Variants in FASTKD2 observed in about 807,000 individuals in gnomAD.
FASTKD2 encodes the protein FAST kinase domains 2, also known as FAST kinase domain-containing protein 2, mitochondrial.
In FASTKD2, 51 loss-of-function variants were observed where a neutral mutation model predicts 63.6. The observed-to-expected ratio is 0.80, with a 90% CI of 0.64 to 1.01. The LOEUF (loss-of-function observed/expected upper bound fraction) is 1.01, where lower values mean the gene tolerates loss of function less well. Ranked by LOEUF, FASTKD2 falls within the 50% of genes least tolerant of loss-of-function variation. The probability of loss-of-function intolerance (pLI) is 0.00; values close to 1 mark genes in which losing one functional copy is unlikely to be tolerated. For synonymous variants in FASTKD2, 284 were observed against 293.4 expected (o/e 0.97, Z 0.33); for missense variants, 786 against 831.1 (o/e 0.95, Z 0.67).
Position 206,774,315 on chromosome 2 carries a change from GA to G in FASTKD2, c.1347del (p.Glu449AspfsTer3). 2.5e-6 allele frequency: 4 copies of G among 1,603,766 alleles called. No homozygotes were observed. The highest frequency in any genetic ancestry group is 3.4e-6 in the Non-Finnish European group (4 of 1,171,180). ...LFMKRIVEDP[E>X]SLNMKNILSI... is the part of the protein sequence containing the mutation. ...TATGAAGAGAATAGTAGAGGATCCTGAATCCCTAAACATGAAAAACATTCTA... is the reference window on the plus strand; with the variant it reads ...TATGAAGAGAATAGTAGAGGATCCTGATCCCTAAACATGAAAAACATTCTA... On this transcript the variant is annotated frameshift_variant, in exon 7 of 12. Transcript: ENST00000402774. LOFTEE classifies it high-confidence loss of function.
rs144539079 is a variant in FASTKD2, at chr2:206,776,164, A to G, written c.1427+1767A>G. On this transcript the variant is annotated intron_variant, in intron 7 of 11. Coordinates refer to ENST00000402774, the MANE Select transcript of FASTKD2 (RefSeq NM_001136193.2). ...TAATATATATATTATGGGATGCAGA[A>G]AAAGCAATCCTGACAAGAAAACTTA... 6.9e-4 allele frequency among the ~76,000 whole-genome samples: 104 copies of G among 151,620 alleles called. 3 individuals are homozygous for G. Among genetic ancestry groups the G allele is most frequent in the South Asian group, 4.6e-3 (22 of 4,820 alleles).
At chr2:206,774,474 A>G in intron 7 of FASTKD2, 77 bp downstream of exon 7, 1 of 948,628 alleles carries the variant, frequency 1.1e-6, no homozygotes, top group Non-Finnish European at 1.7e-6. Flanking sequence ...AGCTTAATGA[A>G]TTATTACAAG....
In FASTKD2 at chr2:206,766,940, A is replaced by G. The variant is rs1012286338; in HGVS notation, c.247A>G (p.Ile83Val). The change falls in exon 2 of 12, where the codon ATT (isoleucine) becomes GTT (valine). Residue 83 changes from isoleucine (I) to valine (V), a missense_variant. By Grantham distance (29) the Ile-to-Val change is conservative. Transcript: ENST00000402774. ...IIRYLFQDAF[I>V]FKSDVGFQTK... ...TAGATATCTCTTTCAGGATGCATTC[A>G]TTTTTAAATCAGATGTTGGCTTTCA... 13 of 1,604,078 alleles carry G rather than the reference A, an allele frequency of 8.1e-6. No individual in the cohort carries two copies. Among genetic ancestry groups the G allele is most frequent in the Non-Finnish European group, 1.1e-5 (13 of 1,173,628 alleles).
At position 206,767,268 on chromosome 2, in the gene FASTKD2, C is replaced by T; in HGVS notation, c.575C>T (p.Ala192Val). Residue 192 changes from alanine (A) to valine (V), a missense_variant, in exon 2 of 12, where the codon GCC becomes GTC. Coordinates refer to ENST00000402774, the MANE Select transcript of FASTKD2 (RefSeq NM_001136193.2). Reference sequence around the variant, plus strand: ...TATTTCACAGCAATGTGGACAATTGCCAAAAGACTGTCTGATGACCAGAAG... The same window carrying T: ...TATTTCACAGCAATGTGGACAATTGTCAAAAGACTGTCTGATGACCAGAAG... Reference protein sequence around the residue: ...SNYFTAMWTIAKRLSDDQKRF... With the variant: ...SNYFTAMWTIVKRLSDDQKRF... 1.9e-6 allele frequency: 3 copies of T among 1,614,192 alleles called. No homozygotes were observed. Among genetic ancestry groups the T allele is most frequent in the Non-Finnish European group, 2.5e-6 (3 of 1,180,026 alleles).
intron 2 of FASTKD2, among the ~76,000 whole-genome samples, chr2:206,768,549 A>C (rs1275121427): frequency 6.6e-6 from 1 of 152,046 alleles, no homozygotes; most frequent in Non-Finnish European, 1.5e-5. Context: ...AAAAATACAA[A>C]AATTAGCTGG....
At position 206,791,671 on chromosome 2, in the gene FASTKD2, T is replaced by G; in HGVS notation, c.2014-12T>G. 2 of 1,611,804 alleles carry G rather than the reference T, an allele frequency of 1.2e-6. No individual in the cohort carries two copies. Among genetic ancestry groups the G allele is most frequent in the Non-Finnish European group, 1.7e-6 (2 of 1,178,288 alleles). Reference sequence around the variant, plus strand: ...TCTCACAAACTGATTATTTTCCTCTTTCTTTGGTAAGGTCAATAACTGGGA... The same window carrying G: ...TCTCACAAACTGATTATTTTCCTCTGTCTTTGGTAAGGTCAATAACTGGGA... On this transcript the variant is annotated splice_polypyrimidine_tract_variant and intron_variant, in intron 11 of 11. Transcript: ENST00000402774.
At chr2:206,790,005 C>A in intron 10 of FASTKD2, 1 of 152,114 alleles carries the variant, frequency 6.6e-6, no homozygotes, top group Non-Finnish European at 1.5e-5. Context: ...TCCCAGTAAA[C>A]TTAGTATTTC....
At chr2:206,783,902 C>G (rs997045994) in intron 7 of FASTKD2, among the ~76,000 whole-genome samples, 7 of 152,148 alleles carry the variant, frequency 4.6e-5, no homozygotes, top group Non-Finnish European at 1.0e-4. Flanking sequence ...GGAGGGAGGT[C>G]TGTGCTACTG....
chr2:206,791,945 G>A lies in FASTKD2; in HGVS notation c.*143G>A. 2.7e-6 allele frequency: 2 copies of A among 737,374 alleles called. No homozygotes were observed. The highest frequency in any genetic ancestry group is 4.4e-6 in the Non-Finnish European group (2 of 450,884). 45.7% of individuals were successfully genotyped at this position (737,374 alleles called of 1,614,324 possible). A position where few individuals can be genotyped will look rare whatever the true frequency, so the allele number is the denominator to read the frequency against. The stretch of plus-strand genomic sequence containing the variant: ...CACTATTAAAATTAATTTTAGGAGT[G>A]GAAGAAATGTTGTTACTGCCATTTA... On this transcript the variant is annotated 3_prime_UTR_variant, in exon 12 of 12. Coordinates refer to ENST00000402774, the MANE Select transcript of FASTKD2 (RefSeq NM_001136193.2).
intron 10 of FASTKD2, chr2:206,789,135 A>T (rs1417058952): frequency 3.9e-6 from 2 of 507,390 alleles, no homozygotes; most frequent in Non-Finnish European, 3.5e-6. Flanking sequence ...ACATTTTTTT[A>T]AAATTAGGTT....
Position 206,787,968 on chromosome 2 carries a change from T to G in FASTKD2, c.1626T>G (p.Thr542=), listed in dbSNP as rs1450324707. ...TGAAGAATGCTTACAAGCTGCATAC[T>G]TTGGATACTTGTCTAAAACTTGATG... is the stretch of plus-strand genomic sequence containing the variant. ...DDMKNAYKLH[T]LDTCLKLDDT... The change falls in exon 9 of 12, where the codon ACT becomes ACG. Residue 542 remains threonine, a synonymous_variant. Transcript: ENST00000402774. 9 of 1,612,354 alleles carry G rather than the reference T, an allele frequency of 5.6e-6. No individual in the cohort carries two copies. The highest frequency in any genetic ancestry group is 7.6e-6 in the Non-Finnish European group (9 of 1,178,450).
At chr2:206,777,969 T>C (rs1444531756) in intron 7 of FASTKD2, among the ~76,000 whole-genome samples, 4 of 152,200 alleles carry the variant, frequency 2.6e-5, no homozygotes, top group Non-Finnish European at 4.4e-5. Context: ...TATGAGCCTT[T>C]TTTATTTCTG....
Position 206,767,296 on chromosome 2 carries a change from C to T in FASTKD2, c.603C>T (p.Arg201=). 6.2e-7 allele frequency: 1 copy of T among 1,614,176 alleles called. No individual in the cohort carries two copies. The highest frequency in any genetic ancestry group is 8.5e-7 in the Non-Finnish European group (1 of 1,180,020). Residue 201 remains arginine (R), a synonymous_variant, in exon 2 of 12, where the codon CGC becomes CGT. Transcript: ENST00000402774. The stretch of plus-strand genomic sequence containing the variant: ...AAAGACTGTCTGATGACCAGAAGCG[C>T]TTTGAAAAACGACTGATGTTTAGCC... ...IAKRLSDDQK[R]FEKRLMFSHP...
At position 206,784,462 on chromosome 2, in the gene FASTKD2, C is replaced by T. The variant is rs566681693; in HGVS notation, c.1428-2271C>T. ...TTAATCATTATTTCATTTATGATGGCCCATCGGGGAGAGGGTGTTAAATCC... is the reference window on the plus strand; with the variant it reads ...TTAATCATTATTTCATTTATGATGGTCCATCGGGGAGAGGGTGTTAAATCC... On this transcript the variant is annotated intron_variant, in intron 7 of 11. Coordinates refer to ENST00000402774, the MANE Select transcript of FASTKD2 (RefSeq NM_001136193.2). Among the ~76,000 whole-genome samples, 62 of 152,316 alleles carry T rather than the reference C, an allele frequency of 4.1e-4. 1 individual carries two copies. Among genetic ancestry groups the T allele is most frequent in the African/African-American group, 1.4e-3 (59 of 41,572 alleles).
In FASTKD2 at chr2:206,786,919, T is replaced by G. The variant is rs371232571; in HGVS notation, c.1594+20T>G. 1 of 1,578,428 alleles carries G rather than the reference T, an allele frequency of 6.3e-7. No homozygotes were observed. The highest frequency in any genetic ancestry group is 1.4e-5 in the African/African-American group (1 of 73,960). On this transcript the variant is annotated intron_variant, in intron 8 of 11. Transcript: ENST00000402774. ...CATCAGGTAGGATGTTAGTGCAGAA[T>G]TGGTCACCAATTGTGACCAATTCTG...
intron 3 of FASTKD2, 43 bp downstream of exon 3, chr2:206,770,237 C>G: frequency 8.2e-7 from 1 of 1,212,446 alleles, no homozygotes; most frequent in Non-Finnish European, 1.2e-6. Context: ...TTTCTTTGTT[C>G]CTCATATATC....
At position 206,795,633 on chromosome 2, in the gene FASTKD2, G is replaced by A. The variant is rs944762946; in HGVS notation, c.*3831G>A. ...AAAAAGCTGAAGCCTACATTTCCCA[G>A]AGCCCCTTTCAGCTTGAATTCCAAA... is the stretch of plus-strand genomic sequence containing the variant. On this transcript the variant is annotated 3_prime_UTR_variant, in exon 12 of 12. Coordinates refer to ENST00000402774, the MANE Select transcript of FASTKD2 (RefSeq NM_001136193.2). Among the ~76,000 whole-genome samples, 2 of 152,198 alleles carry A rather than the reference G, an allele frequency of 1.3e-5. No individual in the cohort carries two copies. Among genetic ancestry groups the A allele is most frequent in the Non-Finnish European group, 2.9e-5 (2 of 68,042 alleles).
chr2:206,768,859 A>G (rs1159654937), intron 2 of FASTKD2, among the ~76,000 whole-genome samples: 2 of 152,202 alleles, frequency 1.3e-5, no homozygotes, highest in Non-Finnish European at 2.9e-5. Context: ...AGGAATAACT[A>G]ATTTTTATTT....
At position 206,765,612 on chromosome 2, in the gene FASTKD2, G is replaced by C; in HGVS notation, c.-186G>C. The C allele has an allele frequency of 1.1e-6, 1 of 917,700 alleles. No homozygotes were observed. Among genetic ancestry groups the C allele is most frequent in the Non-Finnish European group, 1.3e-6 (1 of 744,716 alleles). The allele number at this position is 917,700 out of a possible 1,614,324, so 56.8% of individuals were successfully genotyped here. On this transcript the variant is annotated 5_prime_UTR_variant, in exon 1 of 12. Coordinates refer to ENST00000402774, the MANE Select transcript of FASTKD2 (RefSeq NM_001136193.2). ...AGAAGCGCAGCTTCTCGGGGAAGCT[G>C]TCATGGCTGCTCCTGTACGTAGTCA...
Sources: allele counts gnomAD v4.1 joint callset (sites outside exome capture counted in the v4.1 genomes callset), GRCh38; gene constraint gnomAD v4.1.1; transcripts MANE v1.5; gene names NCBI Gene and HGNC (gene_info 2026-07-23, HGNC 2026-07-21).